CSMD1: variants seen among roughly 807,000 people sequenced by gnomAD.
CSMD1 encodes CUB and sushi domain-containing protein 1.
Under a neutral mutation model 417.5 loss-of-function variants are expected in CSMD1, and 213 were observed. The ratio of observed to expected loss-of-function variants is 0.51; its 90% CI spans 0.46 to 0.57. CSMD1 has a LOEUF of 0.57. CSMD1 is among the 20% of genes least tolerant of loss of function. CSMD1 has a pLI of 0.00. For synonymous variants in CSMD1, 2,862 were observed against 1,736.8 expected (o/e 1.65, Z -16.11); for missense variants, 6,923 against 4,529.7 (o/e 1.53, Z -15.17).
At chr8:4,356,877 G>C (rs1354077663) in intron 3 of CSMD1, among the ~76,000 whole-genome samples, 2 of 152,268 alleles carry the variant, frequency 1.3e-5, no homozygotes, top group East Asian at 3.9e-4. Flanking sequence ...TCTAGAGGCT[G>C]AAACTATAAT....
chr8:4,853,657 T>G (rs1801616520), intron 1 of CSMD1, among the ~76,000 whole-genome samples: 2 of 152,180 alleles, frequency 1.3e-5, no homozygotes, highest in Admixed American at 6.5e-5. Context: ...ACTGGAACAC[T>G]ACCCAGTGGA....
At chr8:4,235,095 G>A (rs117438328) in intron 3 of CSMD1, among the ~76,000 whole-genome samples, 1 of 152,082 alleles carries the variant, frequency 6.6e-6, no homozygotes, top group African/African-American at 2.4e-5. Context: ...GGGACTTCAA[G>A]AATAGAAAAA....
Position 4,108,737 on chromosome 8 carries a change from T to C in CSMD1, c.416-76638A>G, listed in dbSNP as rs369593651. ...AAACGAAGTGTATGCATACCGACTT[T>C]TGTTACATTTAGTTTCTAGGCAGCT... On this transcript the variant is annotated intron_variant, in intron 3 of 69. Transcript: ENST00000635120. 4.6e-5 allele frequency among the ~76,000 whole-genome samples: 7 copies of C among 151,724 alleles called. No homozygotes were observed. The East Asian group carries it at 1.2e-3, about 25-fold the overall frequency.
At chr8:4,758,314 C>CGA (rs1811803436) in intron 1 of CSMD1, among the ~76,000 whole-genome samples, 1 of 152,118 alleles carries the variant, frequency 6.6e-6, no homozygotes, top group Admixed American at 6.6e-5. Flanking sequence ...ATGCTTAATT[C>CGA]GCTGGTTCTG....
At chr8:3,425,163 A>C (rs901396695) in intron 12 of CSMD1, among the ~76,000 whole-genome samples, 4 of 152,196 alleles carry the variant, frequency 2.6e-5, no homozygotes, top group Admixed American at 2.0e-4. Context: ...TACTGTGTCT[A>C]GCCTGTCAAT....
intron 10 of CSMD1, among the ~76,000 whole-genome samples, chr8:3,545,522 C>G (rs569115544): frequency 6.6e-6 from 1 of 152,122 alleles, no homozygotes; most frequent in Non-Finnish European, 1.5e-5. Flanking sequence ...TCATACTGTT[C>G]GGTATAATTT....
chr8:3,100,419 A>G (rs1815649906), intron 46 of CSMD1, among the ~76,000 whole-genome samples: 1 of 152,106 alleles, frequency 6.6e-6, no homozygotes, highest in Non-Finnish European at 1.5e-5. Context: ...CCTTCTCCTC[A>G]GTGTTATAAA....
chr8:3,590,019 A>G (rs1238671010), intron 8 of CSMD1, among the ~76,000 whole-genome samples: 1 of 152,164 alleles, frequency 6.6e-6, no homozygotes, highest in African/African-American at 2.4e-5. Flanking sequence ...GTGCTTGACT[A>G]AATTTTTTTG....
intron 5 of CSMD1, among the ~76,000 whole-genome samples, chr8:3,797,249 G>T (rs937872482): frequency 7.9e-5 from 12 of 151,822 alleles, no homozygotes; most frequent in African/African-American, 2.9e-4. Flanking sequence ...AAACTCAAGT[G>T]GCTATAAAGT....
At chr8:3,674,635 T>A (rs1053734946) in intron 7 of CSMD1, among the ~76,000 whole-genome samples, 2 of 152,126 alleles carry the variant, frequency 1.3e-5, no homozygotes, top group African/African-American at 4.8e-5. Flanking sequence ...ATTTTACAGA[T>A]AATAAAACTG....
At chr8:4,444,435 G>C (rs1051513105) in intron 2 of CSMD1, among the ~76,000 whole-genome samples, 10 of 142,366 alleles carry the variant, frequency 7.0e-5, no homozygotes, top group African/African-American at 2.3e-4. Context: ...ACAACTTTTA[G>C]ATCAACAGCA....
intron 3 of CSMD1, among the ~76,000 whole-genome samples, chr8:4,332,560 C>T (rs1249295813): frequency 2.9e-5 from 1 of 34,512 alleles, no homozygotes; most frequent in Admixed American, 1.7e-4. Context: ...CATACACACA[C>T]ACACACACAC....
intron 3 of CSMD1, among the ~76,000 whole-genome samples, chr8:4,199,278 G>A (rs1246718807): frequency 2.6e-5 from 4 of 152,128 alleles, no homozygotes; most frequent in African/African-American, 7.2e-5. Flanking sequence ...CTTCTGCTAT[G>A]GTCATTGATA....
intron 50 of CSMD1, among the ~76,000 whole-genome samples, chr8:3,029,985 T>C (rs1400971115): frequency 1.3e-5 from 2 of 152,090 alleles, no homozygotes; most frequent in African/African-American, 4.8e-5. Flanking sequence ...ATATATAATA[T>C]ATCTATATAT....
chr8:4,009,816 T>C (rs751632978), intron 4 of CSMD1, among the ~76,000 whole-genome samples: 9 of 152,086 alleles, frequency 5.9e-5, no homozygotes, highest in Non-Finnish European at 1.0e-4. Flanking sequence ...CTCCCTCCTG[T>C]TCTCAGAGAG....
chr8:3,202,293 A>G (rs1377442425), intron 31 of CSMD1, among the ~76,000 whole-genome samples: 1 of 152,256 alleles, frequency 6.6e-6, no homozygotes, highest in East Asian at 1.9e-4. Context: ...AAAATTCCTC[A>G]CAAAAGATTA....
At chr8:3,431,744 T>C (rs1409623355) in intron 12 of CSMD1, among the ~76,000 whole-genome samples, 2 of 152,188 alleles carry the variant, frequency 1.3e-5, no homozygotes, top group African/African-American at 4.8e-5. Flanking sequence ...TTTTGCTCTA[T>C]CTACAACGAT....
intron 1 of CSMD1, among the ~76,000 whole-genome samples, chr8:4,844,775 G>A (rs1454014033): frequency 6.6e-6 from 1 of 152,046 alleles, no homozygotes; most frequent in African/African-American, 2.4e-5. Context: ...TAATTCTCCA[G>A]GCAAATTCAC....
chr8:4,460,630 T>C (rs551476748), intron 2 of CSMD1, among the ~76,000 whole-genome samples: 17 of 152,222 alleles, frequency 1.1e-4, no homozygotes, highest in Non-Finnish European at 2.2e-4. Flanking sequence ...GTAGAGAATA[T>C]TACTATGGAC....
Sources: allele counts gnomAD v4.1 joint callset (sites outside exome capture counted in the v4.1 genomes callset), GRCh38; gene constraint gnomAD v4.1.1; transcripts MANE v1.5; gene names NCBI Gene and HGNC (gene_info 2026-07-23, HGNC 2026-07-21).